C8orf34: variants seen among roughly 807,000 people sequenced by gnomAD.
The protein encoded by C8orf34 is chromosome 8 open reading frame 34, also known as uncharacterized protein C8orf34.
C8orf34 carries 65 observed loss-of-function variants against 68.3 expected under a neutral mutation model. The observed-to-expected ratio is 0.95, with a 90% CI of 0.78 to 1.17. The LOEUF is 1.17. C8orf34 is among the 50% of genes most tolerant of loss of function. The pLI, the probability that C8orf34 is intolerant of heterozygous loss-of-function variation, is 0.00. For missense variants in C8orf34, 664 were observed against 655.4 expected (o/e 1.01, Z -0.14); for synonymous variants, 244 against 241.2 (o/e 1.01, Z -0.11).
At chr8:68,727,711 G>A in intron 10 of C8orf34, among the ~76,000 whole-genome samples, 1 of 152,308 alleles carries the variant, frequency 6.6e-6, no homozygotes, top group East Asian at 1.9e-4. Flanking sequence ...CACCACAAAG[G>A]TGCAAAGGCT....
At chr8:68,636,756 C>CT (rs749089541) in intron 7 of C8orf34, among the ~76,000 whole-genome samples, 12 of 152,154 alleles carry the variant, frequency 7.9e-5, no homozygotes, top group Non-Finnish European at 1.6e-4. Context: ...TCTTTTTCAT[C>CT]TTTTTTGTTG....
At chr8:68,403,567 A>G (rs760387257) in intron 1 of C8orf34, among the ~76,000 whole-genome samples, 1 of 151,272 alleles carries the variant, frequency 6.6e-6, no homozygotes, top group Non-Finnish European at 1.5e-5. Flanking sequence ...TTGGTGTGTG[A>G]TGTTCCCTTC....
intron 8 of C8orf34, among the ~76,000 whole-genome samples, chr8:68,655,645 G>C (rs113809672): frequency 0.013 from 2,055 of 152,224 alleles, 42 homozygotes; most frequent in African/African-American, 0.047. Context: ...AATTAAGATA[G>C]GTGAGTCTAA....
At chr8:68,584,700 T>C (rs1044455104) in intron 7 of C8orf34, among the ~76,000 whole-genome samples, 9 of 152,278 alleles carry the variant, frequency 5.9e-5, no homozygotes, top group Non-Finnish European at 1.2e-4. Context: ...GTTTAAAACA[T>C]GGCTCTTAAA....
At chr8:68,701,363 A>G (rs575472496) in intron 8 of C8orf34, among the ~76,000 whole-genome samples, 35 of 152,246 alleles carry the variant, frequency 2.3e-4, no homozygotes, top group Non-Finnish European at 4.7e-4. Context: ...ACTTTATTCC[A>G]TAAAGTAAAA....
intron 7 of C8orf34, chr8:68,535,485 ATTC>A (rs1815426839): frequency 4.2e-6 from 4 of 963,166 alleles, no homozygotes; most frequent in Non-Finnish European, 4.9e-6. Context: ...AAAAAGGATT[ATTC>A]TTCAATAAAA....
chr8:68,602,002 C>A (rs1010863311), intron 7 of C8orf34, among the ~76,000 whole-genome samples: 1 of 152,124 alleles, frequency 6.6e-6, no homozygotes, highest in East Asian at 1.9e-4. Flanking sequence ...CTCCCTCCCC[C>A]ACCATCAGGT....
At chr8:68,595,651 A>G (rs1485428139) in intron 7 of C8orf34, among the ~76,000 whole-genome samples, 1 of 152,068 alleles carries the variant, frequency 6.6e-6, no homozygotes, top group Non-Finnish European at 1.5e-5. Context: ...TTCAGGCATT[A>G]TTTCTTCAAA....
chr8:68,507,310 G>A (rs1344494672), intron 5 of C8orf34, among the ~76,000 whole-genome samples: 2 of 152,054 alleles, frequency 1.3e-5, no homozygotes, highest in African/African-American at 4.8e-5. Flanking sequence ...TTTATTACTT[G>A]TCTCTGAATT....
rs368525530 is a variant in C8orf34, at chr8:68,575,514, G to T, written c.1105+42365G>T. 2.5e-4 allele frequency among the ~76,000 whole-genome samples: 38 copies of T among 152,196 alleles called. 1 individual carries two copies. In the East Asian group the frequency reaches 7.3e-3, roughly 29 times the overall value. The stretch of plus-strand genomic sequence containing the variant: ...ATTGCAGTGGTACATTGGGTAAGAA[G>T]TTGAGTTTGCCATTAGAGATGGATA... On this transcript the variant is annotated intron_variant, in intron 7 of 13. Transcript: ENST00000518698.
At chr8:68,627,743 A>G (rs1226536294) in intron 7 of C8orf34, among the ~76,000 whole-genome samples, 2 of 152,152 alleles carry the variant, frequency 1.3e-5, no homozygotes, top group Non-Finnish European at 2.9e-5. Context: ...GAGCCTTCAC[A>G]ATTTAAATAA....
At chr8:68,430,943 A>G (rs1810428057) in intron 1 of C8orf34, among the ~76,000 whole-genome samples, 1 of 152,112 alleles carries the variant, frequency 6.6e-6, no homozygotes, top group South Asian at 2.1e-4. Context: ...TATACCCCAC[A>G]TGATATGTTT....
intron 8 of C8orf34, among the ~76,000 whole-genome samples, chr8:68,644,998 C>A (rs1169981121): frequency 6.6e-6 from 1 of 152,122 alleles, no homozygotes; most frequent in Non-Finnish European, 1.5e-5. Context: ...CCAAATATTG[C>A]AGGATTGGAG....
chr8:68,430,811 G>T (rs1033566147), intron 1 of C8orf34, among the ~76,000 whole-genome samples: 2 of 152,156 alleles, frequency 1.3e-5, no homozygotes, highest in South Asian at 4.2e-4. Flanking sequence ...GTGACAAGTC[G>T]TTTCCTTATC....
intron 12 of C8orf34, among the ~76,000 whole-genome samples, chr8:68,801,489 A>G (rs1824325757): frequency 6.6e-6 from 1 of 152,156 alleles, no homozygotes; most frequent in Non-Finnish European, 1.5e-5. Context: ...TAAGGTTGCT[A>G]TCTCTACCCT....
chr8:68,331,783 CT>C (rs552564162), intron 1 of C8orf34, among the ~76,000 whole-genome samples: 140 of 29,484 alleles, frequency 4.7e-3, no homozygotes, highest in Non-Finnish European at 5.4e-3. Context: ...TTCTTTCCTT[CT>C]TTTTTTTTTT....
At chr8:68,474,220 A>C (rs977432421) in intron 4 of C8orf34, among the ~76,000 whole-genome samples, 1 of 152,152 alleles carries the variant, frequency 6.6e-6, no homozygotes, top group Non-Finnish European at 1.5e-5. Flanking sequence ...TGCCATGTTA[A>C]ACTCAATGTA....
intron 5 of C8orf34, among the ~76,000 whole-genome samples, chr8:68,519,137 C>G (rs552638722): frequency 1.3e-5 from 2 of 152,170 alleles, no homozygotes; most frequent in African/African-American, 4.8e-5. Flanking sequence ...AGTGACTGTT[C>G]GAAGTATCAG....
intron 10 of C8orf34, among the ~76,000 whole-genome samples, chr8:68,721,962 A>G (rs1821689611): frequency 6.6e-6 from 1 of 152,098 alleles, no homozygotes; most frequent in African/African-American, 2.4e-5. Context: ...TTTAGTTTCT[A>G]TAAAAATAGC....
Sources: gnomAD v4.1 joint callset for allele counts (sites outside exome capture counted in the v4.1 genomes callset) on GRCh38, gnomAD v4.1.1 for gene constraint, MANE v1.5 for transcripts, NCBI Gene and HGNC (gene_info 2026-07-23, HGNC 2026-07-21) for gene names.